Variants in SMARCC2 observed in about 807,000 individuals in gnomAD.
SMARCC2 encodes SWI/SNF related BAF chromatin remodeling complex subunit C2.
A neutral mutation model predicts 151.3 loss-of-function variants in SMARCC2; 15 were observed. That is an observed-to-expected ratio of 0.10 (90% CI 0.07 to 0.15). The LOEUF is 0.15. SMARCC2 is among the 10% of genes least tolerant of loss of function. The pLI is 1.00. For synonymous variants in SMARCC2, 590 were observed against 609.5 expected, an observed-to-expected ratio of 0.97 and a Z score of 0.47; for missense variants, 1,031 against 1,599.7, an observed-to-expected ratio of 0.64 and a Z score of 6.06.
intron 25 of SMARCC2, among the ~76,000 whole-genome samples, 183 bp from the exon 26 acceptor site, chr12:56,168,377 TTTTC>T (rs1873245166): frequency 6.6e-6 from 1 of 151,892 alleles, no homozygotes; most frequent in Non-Finnish European, 1.5e-5. Flanking sequence ...CTTTTTTCTT[TTTTC>T]TTTTTTTTTT....
Position 56,176,910 on chromosome 12 carries a change from C to T in SMARCC2, c.1382+1112G>A, listed in dbSNP as rs189254436. Among the ~76,000 whole-genome samples, 755 of 152,222 alleles carry T rather than the reference C, an allele frequency of 5.0e-3. 7 individuals are homozygous for T. The highest frequency in any genetic ancestry group is 0.02 in the Middle Eastern group (6 of 294). On this transcript the variant is annotated intron_variant, in intron 15 of 28. Coordinates refer to ENST00000550164, the MANE Select transcript of SMARCC2 (RefSeq NM_001330288.2). Reference sequence around the variant, plus strand: ...AATCTCGGCTCACTGCAACCTCCGCCTCCCGGGTTCAAGCGATTCTCCTGC... The same window carrying T: ...AATCTCGGCTCACTGCAACCTCCGCTTCCCGGGTTCAAGCGATTCTCCTGC...
chr12:56,187,389 T>C, intron 1 of SMARCC2, 83 bp from the exon 2 acceptor site: 1 of 1,312,690 alleles, frequency 7.6e-7, no homozygotes, highest in East Asian at 2.4e-5. Flanking sequence ...CCAGGGGCTC[T>C]GGAAGCATGT....
intron 11 of SMARCC2, among the ~76,000 whole-genome samples, chr12:56,179,461 GAAGA>G (rs976467879): frequency 2.6e-5 from 4 of 152,118 alleles, no homozygotes; most frequent in Non-Finnish European, 5.9e-5. Flanking sequence ...CAAACATAGA[GAAGA>G]GAGAGAGCTG....
chr12:56,185,645 AT>A (rs552345637), intron 3 of SMARCC2: 273 of 166,696 alleles, frequency 1.6e-3, no homozygotes, highest in African/African-American at 6.1e-3. Flanking sequence ...TGCCCGGCTA[AT>A]TTTTGTATTT....
At chr12:56,167,951 AACACACAC>A (rs56809897) in intron 26 of SMARCC2, 101 bp downstream of exon 26, 18,241 of 688,072 alleles carry the variant, frequency 0.027, 138 homozygotes, top group South Asian at 0.047. Context: ...CTTTCACTGA[AACACACAC>A]ACACACACAC....
chr12:56,186,597 G>A (rs1017238022), intron 2 of SMARCC2: 13 of 238,230 alleles, frequency 5.5e-5, no homozygotes, highest in African/African-American at 2.3e-4. Context: ...TGATCTGCCC[G>A]CCTCGGCCTC....
Position 56,186,206 on chromosome 12 carries a change from G to T in SMARCC2, c.266C>A (p.Ser89Tyr). 1 of 1,613,198 alleles carries T rather than the reference G, an allele frequency of 6.2e-7. No individual in the cohort carries two copies. Among genetic ancestry groups the T allele is most frequent in the Non-Finnish European group, 8.5e-7 (1 of 1,179,140 alleles). Residue 89 changes from serine (S) to tyrosine (Y), a missense_variant, in exon 3 of 29, where the codon TCC (serine) becomes TAC (tyrosine). Transcript: ENST00000550164. ...GGCAGCTGCAAGAATGTGGCACAAG[G>T]AGCCTCCCGCTTTGAAATCTAGGAA... ...KCFLDFKAGGSLCHILAAAYK... is the reference protein window; with the variant it reads ...KCFLDFKAGGYLCHILAAAYK...
Position 56,165,398 on chromosome 12 carries a change from G to A in SMARCC2, c.3152C>T (p.Ala1051Val). 6.6e-7 allele frequency: 1 copy of A among 1,508,850 alleles called. No homozygotes were observed. The highest frequency in any genetic ancestry group is 8.8e-7 in the Non-Finnish European group (1 of 1,131,324). 93.5% of individuals were successfully genotyped at this position (1,508,850 alleles called of 1,614,324 possible). A position where few individuals can be genotyped will look rare whatever the true frequency, so the allele number is the denominator to read the frequency against. ...SEQIGQAGST[A>V]GPQQQQPAGA... ...AGCTGGTTGCTGCTGCTGTGGCCCT[G>A]CAGTTGACCCTGCCTGCCCAATCTG... is the stretch of plus-strand genomic sequence containing the variant. Residue 1051 changes from alanine to valine, a missense_variant, in exon 27 of 29, where the codon GCA becomes GTA. By Grantham distance (64) the Ala-to-Val change is moderately conservative. Transcript: ENST00000550164.
rs368521264 is a variant in SMARCC2, at chr12:56,173,678, C to T, written c.1650+18G>A. On this transcript the variant is annotated intron_variant, in intron 17 of 28. Transcript: ENST00000550164. ...CAATCTTCCCAACCCGCCCCATCCC[C>T]ATAGCACCTCACCCTACCTGAGGTG... The T allele has an allele frequency of 3.2e-5, 51 of 1,604,736 alleles. No individual in the cohort carries two copies. The highest frequency in any genetic ancestry group is 4.3e-5 in the Non-Finnish European group (51 of 1,174,920).
intron 14 of SMARCC2, 47 bp downstream of exon 14, chr12:56,178,349 TGACCCCTG>T: frequency 6.3e-7 from 1 of 1,590,194 alleles, no homozygotes; most frequent in Non-Finnish European, 8.6e-7. Context: ...AACAGCCTGT[TGACCCCTG>T]GAGGCAGGGA....
At chr12:56,189,272 G>A (rs1262587252) in intron 1 of SMARCC2, 79 bp downstream of exon 1, 11 of 842,482 alleles carry the variant, frequency 1.3e-5, no homozygotes, top group South Asian at 4.6e-5. Context: ...CTGGAGGGTA[G>A]GCAGGATCCC....
intron 3 of SMARCC2, 88 bp from the exon 4 acceptor site, chr12:56,185,199 G>A: frequency 9.6e-7 from 1 of 1,046,162 alleles, no homozygotes; most frequent in Non-Finnish European, 1.5e-6. Context: ...TGTTTTTTGA[G>A]ATGGAGTCTT....
chr12:56,163,835 G>T, intron 28 of SMARCC2, 70 bp from the exon 29 acceptor site: 2 of 1,040,398 alleles, frequency 1.9e-6, no homozygotes. Context: ...GACCACCACA[G>T]ACAGACAGAA....
At position 56,189,473 on chromosome 12, in the gene SMARCC2, C is replaced by T. The variant is rs1290210777; in HGVS notation, c.-12G>A. 2 of 1,451,948 alleles carry T rather than the reference C, an allele frequency of 1.4e-6. No homozygotes were observed. The highest frequency in any genetic ancestry group is 1.8e-6 in the Non-Finnish European group (2 of 1,084,190). 89.9% of individuals were successfully genotyped at this position (1,451,948 alleles called of 1,614,324 possible). A position where few individuals can be genotyped will look rare whatever the true frequency, so the allele number is the denominator to read the frequency against. On this transcript the variant is annotated 5_prime_UTR_variant, in exon 1 of 29. Transcript: ENST00000550164. The stretch of plus-strand genomic sequence containing the variant: ...TTCCGCACCGCCATCTTCTCCGGCT[C>T]GGGCCCCGCCGCCGCCCGCCCCACT...
chr12:56,181,251 G>A, intron 10 of SMARCC2, 150 bp from the exon 11 acceptor site: 1 of 766,246 alleles, frequency 1.3e-6, no homozygotes, highest in Non-Finnish European at 2.1e-6. Context: ...AATGGGAAGT[G>A]GCAAAGGCTT....
rs746890236 is a variant in SMARCC2, at chr12:56,169,770, GC to G, written c.2548+5del. The G allele has an allele frequency of 6.2e-7, 1 of 1,614,018 alleles. No individual in the cohort carries two copies. Among genetic ancestry groups the G allele is most frequent in the East Asian group, 2.2e-5 (1 of 44,874 alleles). On this transcript the variant is annotated splice_donor_5th_base_variant and intron_variant, in intron 24 of 28. Coordinates refer to ENST00000550164, the MANE Select transcript of SMARCC2 (RefSeq NM_001330288.2). ...GCACCCCCACCTACCCTTGTGGGAG[GC>G]TCACCTATTGGGTCTCCATCACTCT...
Position 56,167,958 on chromosome 12 carries a change from ACACAC to A in SMARCC2, c.2850+97_2850+101del, listed in dbSNP as rs1565896064. The A allele has an allele frequency of 1.4e-5, 9 of 666,592 alleles. No homozygotes were observed. In the African/African-American group the frequency reaches 2.9e-4, roughly 21 times the overall value. The allele number at this position is 666,592 out of a possible 1,614,324, so 41.3% of individuals were successfully genotyped here. ...TTATCTCTCTTTCACTGAAACACAC[ACACAC>A]ACACACACACACACACACACACACA... On this transcript the variant is annotated intron_variant, in intron 26 of 28. Transcript: ENST00000550164.
intron 20 of SMARCC2, 127 bp downstream of exon 20, chr12:56,172,301 C>G (rs1199291495): frequency 1.2e-6 from 1 of 829,682 alleles, no homozygotes; most frequent in Non-Finnish European, 1.8e-6. Flanking sequence ...AGGTTCATCT[C>G]GAACTCCTGG....
Position 56,163,753 on chromosome 12 carries a change from G to A in SMARCC2, c.3674C>T (p.Pro1225Leu), listed in dbSNP as rs749485522. 5.9e-6 allele frequency: 9 copies of A among 1,512,776 alleles called. No individual in the cohort carries two copies. In the Admixed American group the frequency reaches 1.6e-4, roughly 27 times the overall value. The allele number at this position is 1,512,776 out of a possible 1,614,324, so 93.7% of individuals were successfully genotyped here. ...CGGGGCTGTGGGGTCTGGAGGCAGG[G>A]GGGTGCCTGGGTCTGTGGAGAAAAG... ...SASPLPDPGT[P>L]LPPDPTAPSP... Residue 1225 changes from proline to leucine, a missense_variant, in exon 29 of 29, where the codon CCC (proline) becomes CTC (leucine). Physicochemically the swap from Pro to Leu is moderately conservative, Grantham distance 98. Coordinates refer to ENST00000550164, the MANE Select transcript of SMARCC2 (RefSeq NM_001330288.2).
Sources: gnomAD v4.1 joint callset for allele counts (sites outside exome capture counted in the v4.1 genomes callset) on GRCh38, gnomAD v4.1.1 for gene constraint, MANE v1.5 for transcripts, NCBI Gene and HGNC (gene_info 2026-07-23, HGNC 2026-07-21) for gene names.